The following PRRX2 variants were observed in gnomAD, a reference collection of about 807,000 sequenced individuals.
PRRX2 encodes paired related homeobox 2, also known as paired mesoderm homeobox protein 2.
PRRX2 carries 11 observed loss-of-function variants against 18.0 expected under a neutral mutation model. That is an observed-to-expected ratio of 0.61 (90% confidence interval 0.39 to 1.01). The LOEUF (loss-of-function observed/expected upper bound fraction) is 1.01. Among genes scored for constraint, PRRX2 ranks in the 50% least tolerant of loss-of-function variants. The pLI, the probability that PRRX2 is intolerant of heterozygous loss-of-function variation, is 0.01. For missense variants in PRRX2, 387 were observed against 351.0 expected (o/e 1.10, Z -0.82); for synonymous variants, 177 against 154.8 (o/e 1.14, Z -1.06).
chr9:129,670,888 C>T (rs75632768), intron 1 of PRRX2, among the ~76,000 whole-genome samples: 7,441 of 152,204 alleles, frequency 0.049, 592 homozygotes, highest in African/African-American at 0.17. Flanking sequence ...TCCCCTTTCT[C>T]TATTTCCTGG....
chr9:129,702,779 G>A (rs903547263), intron 1 of PRRX2, among the ~76,000 whole-genome samples: 1 of 152,144 alleles, frequency 6.6e-6, no homozygotes, highest in African/African-American at 2.4e-5. Context: ...AAGCTTCCCG[G>A]GGAATTCCCA....
intron 1 of PRRX2, among the ~76,000 whole-genome samples, chr9:129,686,100 C>T (rs1000460938): frequency 1.3e-5 from 2 of 152,242 alleles, no homozygotes; most frequent in East Asian, 3.9e-4. Context: ...GTCCAAGGAG[C>T]ATAAGGAAGG....
chr9:129,686,340 A>T lies in PRRX2; in HGVS notation c.259+20214A>T, dbSNP rs1256202939. 2.0e-5 allele frequency among the ~76,000 whole-genome samples: 3 copies of T among 151,692 alleles called. No individual in the cohort carries two copies. In the South Asian group the frequency reaches 6.3e-4, roughly 32 times the overall value. ...ATGAGGGGCGGGTATCTGGATGCAGACCTCCTTACTTTTGTTTTGTTTTTG... is the reference window on the plus strand; with the variant it reads ...ATGAGGGGCGGGTATCTGGATGCAGTCCTCCTTACTTTTGTTTTGTTTTTG... On this transcript the variant is annotated intron_variant, in intron 1 of 3. Coordinates refer to ENST00000372469, the MANE Select transcript of PRRX2 (RefSeq NM_016307.4).
At chr9:129,676,521 C>T (rs747173177) in intron 1 of PRRX2, among the ~76,000 whole-genome samples, 3 of 152,158 alleles carry the variant, frequency 2.0e-5, no homozygotes, top group Non-Finnish European at 4.4e-5. Flanking sequence ...CCCAAGGTCA[C>T]ACAGGGGGTG....
At chr9:129,684,475 C>G (rs1588164930) in intron 1 of PRRX2, among the ~76,000 whole-genome samples, 1 of 118,278 alleles carries the variant, frequency 8.5e-6, no homozygotes, top group African/African-American at 3.3e-5. Flanking sequence ...AGAAAAGATA[C>G]CAGAAATCAC....
chr9:129,672,273 C>T (rs1242356451), intron 1 of PRRX2, among the ~76,000 whole-genome samples: 1 of 152,260 alleles, frequency 6.6e-6, no homozygotes, highest in African/African-American at 2.4e-5. Context: ...CGTGAGGGGA[C>T]GTGGTGAGAG....
Position 129,666,224 on chromosome 9 carries a change from G to T in PRRX2, c.259+98G>T, listed in dbSNP as rs946855112. Reference sequence around the variant, plus strand: ...GAGCCGGCGCGGGGCGGGCGAAGATGCAGGGCGCGTGGTCGGCGGCAGGAC... The same window carrying T: ...GAGCCGGCGCGGGGCGGGCGAAGATTCAGGGCGCGTGGTCGGCGGCAGGAC... On this transcript the variant is annotated intron_variant, in intron 1 of 3. Transcript: ENST00000372469. 7.6e-6 allele frequency: 7 copies of T among 917,518 alleles called. No homozygotes were observed. In the Middle Eastern group the frequency reaches 1.7e-3, roughly 216 times the overall value. 56.8% of individuals were successfully genotyped at this position (917,518 alleles called of 1,614,324 possible).
chr9:129,694,825 C>A (rs1844021951), intron 1 of PRRX2, among the ~76,000 whole-genome samples: 1 of 152,062 alleles, frequency 6.6e-6, no homozygotes, highest in Non-Finnish European at 1.5e-5. Flanking sequence ...CGGAGGGAGC[C>A]CCATTCAGAA....
chr9:129,718,974 G>A (rs1478607933), intron 1 of PRRX2, among the ~76,000 whole-genome samples: 1 of 152,170 alleles, frequency 6.6e-6, no homozygotes, highest in Admixed American at 6.5e-5. Flanking sequence ...CCACAGGGCA[G>A]GGGTGTGGCT....
chr9:129,722,182 G>A (rs770469941), intron 3 of PRRX2, 35 bp from the exon 4 acceptor site: 11 of 1,600,770 alleles, frequency 6.9e-6, no homozygotes, highest in South Asian at 3.3e-5. Context: ...GAAGCCAACC[G>A]CACCCATGTG....
rs1786779077 is a variant in PRRX2 at position 129,695,755 on chromosome 9, G to A, written c.260-23476G>A. ...ATTATGGGCCTCACTACCTTTAGGC[G>A]GGGAACTTTTTAAAAGTGAGTTTTT... is the stretch of plus-strand genomic sequence containing the variant. On this transcript the variant is annotated intron_variant, in intron 1 of 3. Transcript: ENST00000372469. The surrounding 1 kb of genome is among the most constrained non-coding windows in gnomAD (Gnocchi z 4.8). Among the ~76,000 whole-genome samples the A allele has an allele frequency of 6.6e-6, 1 of 152,184 alleles. No individual in the cohort carries two copies. Among genetic ancestry groups the A allele is most frequent in the African/African-American group, 2.4e-5 (1 of 41,440 alleles).
chr9:129,674,301 T>C (rs1832138108), intron 1 of PRRX2, among the ~76,000 whole-genome samples: 1 of 152,172 alleles, frequency 6.6e-6, no homozygotes, highest in South Asian at 2.1e-4. Context: ...ATGATATCTT[T>C]CCTTGTGTCC....
rs1387209292 is a variant in PRRX2 at position 129,695,549 on chromosome 9, T to C, written c.260-23682T>C. On this transcript the variant is annotated intron_variant, in intron 1 of 3. Coordinates refer to ENST00000372469, the MANE Select transcript of PRRX2 (RefSeq NM_016307.4). The surrounding 1 kb of genome is among the most constrained non-coding windows in gnomAD (Gnocchi z 4.8). ...GGCCTGCTGGGGAAGGGCTCAGTCT[T>C]AGCCTGGCACAGAGCTGGGAGCCGG... Among the ~76,000 whole-genome samples, 2 of 152,176 alleles carry C rather than the reference T, an allele frequency of 1.3e-5. No homozygotes were observed. The highest frequency in any genetic ancestry group is 2.4e-5 in the African/African-American group (1 of 41,440).
intron 1 of PRRX2, among the ~76,000 whole-genome samples, chr9:129,693,050 G>A (rs1046272680): frequency 6.6e-6 from 1 of 152,112 alleles, no homozygotes; most frequent in Non-Finnish European, 1.5e-5. Flanking sequence ...CCACATCTTC[G>A]CCAGCATTTG....
rs759386453 is a variant in PRRX2, at chr9:129,720,724, C to T, written c.576C>T (p.Pro192=). 1.9e-6 allele frequency: 3 copies of T among 1,612,216 alleles called. No homozygotes were observed. The highest frequency in any genetic ancestry group is 1.7e-4 in the Middle Eastern group (1 of 6,054). ...TCGAGCAGCCCGTGGCTCCCCGGCC[C>T]ACCGCCCTGAGTCCAGATTATCTCT... ...AAIEQPVAPR[P]TALSPDYLSW... is the part of the protein sequence containing the mutation. The change falls in exon 3 of 4, where the codon CCC becomes CCT. Residue 192 remains proline (P), a synonymous_variant. Coordinates refer to ENST00000372469, the MANE Select transcript of PRRX2 (RefSeq NM_016307.4).
intron 1 of PRRX2, among the ~76,000 whole-genome samples, chr9:129,668,284 A>G (rs529132225): frequency 6.6e-6 from 1 of 152,296 alleles, no homozygotes; most frequent in South Asian, 2.1e-4. Context: ...TTCTTTCCCC[A>G]TCATCGACCC....
intron 1 of PRRX2, chr9:129,712,976 C>T (rs1832649509): frequency 6.6e-6 from 1 of 152,282 alleles, no homozygotes; most frequent in Non-Finnish European, 1.5e-5. Context: ...AACACACACG[C>T]CCACCACAAT....
At position 129,720,681 on chromosome 9, in the gene PRRX2, A is replaced by AC. The variant is rs1312776922; in HGVS notation, c.534dup (p.Ser179GlnfsTer162). The AC allele has an allele frequency of 1.1e-5, 17 of 1,613,224 alleles. No homozygotes were observed. The highest frequency in any genetic ancestry group is 1.3e-5 in the African/African-American group (1 of 74,914). The stretch of plus-strand genomic sequence containing the variant: ...CGCTCTGCCTCGCTGCTCAAGTCCT[A>AC]CAGCCAGGAGGCCGCCATCGAGCAG... On this transcript the variant is annotated frameshift_variant, in exon 3 of 4. Coordinates refer to ENST00000372469, the MANE Select transcript of PRRX2 (RefSeq NM_016307.4). LOFTEE classifies it high-confidence loss of function.
intron 1 of PRRX2, among the ~76,000 whole-genome samples, chr9:129,668,797 AAG>A (rs1242785104): frequency 1.3e-5 from 2 of 150,162 alleles, no homozygotes; most frequent in African/African-American, 4.9e-5. Context: ...AAAAAAAAAA[AAG>A]AAAGAAAGAA....
Sources: allele counts gnomAD v4.1 joint callset (sites outside exome capture counted in the v4.1 genomes callset), GRCh38; gene constraint gnomAD v4.1.1; non-coding constraint Gnocchi (gnomAD v3.1); transcripts MANE v1.5; gene names NCBI Gene and HGNC (gene_info 2026-07-23, HGNC 2026-07-21).